The following STAU2 variants were observed in gnomAD, a reference collection of about 807,000 sequenced individuals.
The protein encoded by STAU2 is double-stranded RNA-binding protein Staufen homolog 2.
A neutral mutation model predicts 65.9 loss-of-function variants in STAU2; 20 were observed. The ratio of observed to expected loss-of-function variants is 0.30; its 90% CI spans 0.21 to 0.44. The LOEUF (loss-of-function observed/expected upper bound fraction) is 0.44. Among genes scored for constraint, STAU2 ranks in the 20% least tolerant of loss-of-function variants. The pLI is 1.00. For missense variants in STAU2, 558 were observed against 683.9 expected, an observed-to-expected ratio of 0.82 and a Z score of 2.05; for synonymous variants, 232 against 233.9, an observed-to-expected ratio of 0.99 and a Z score of 0.07.
chr8:73,488,222 AATG>A (rs1362710654), intron 13 of STAU2, among the ~76,000 whole-genome samples: 6 of 152,202 alleles, frequency 3.9e-5, no homozygotes, highest in African/African-American at 7.2e-5. Context: ...TTCCAAATAA[AATG>A]ATAAGACTAA....
chr8:73,688,818 G>A lies in STAU2; in HGVS notation c.115-5C>T, dbSNP rs769552266. 1.2e-6 allele frequency: 2 copies of A among 1,611,704 alleles called. No homozygotes were observed. The highest frequency in any genetic ancestry group is 1.7e-6 in the Non-Finnish European group (2 of 1,179,006). Reference sequence around the variant, plus strand: ...ACTCAGCTGCACTGAGAACATCTTAGAAAAACATAAATAGACAAAGAAAAC... The same window carrying A: ...ACTCAGCTGCACTGAGAACATCTTAAAAAAACATAAATAGACAAAGAAAAC... On this transcript the variant is annotated splice_polypyrimidine_tract_variant and splice_region_variant and intron_variant, in intron 4 of 14. Coordinates refer to ENST00000524300, the MANE Select transcript of STAU2 (RefSeq NM_001164380.2).
intron 6 of STAU2, among the ~76,000 whole-genome samples, chr8:73,640,319 A>T (rs1814860326): frequency 6.6e-6 from 1 of 152,132 alleles, no homozygotes; most frequent in African/African-American, 2.4e-5. Flanking sequence ...AAATAAGTGG[A>T]ACTGATTAGA....
At chr8:73,465,973 G>A (rs1274687671) in intron 13 of STAU2, among the ~76,000 whole-genome samples, 4 of 152,146 alleles carry the variant, frequency 2.6e-5, no homozygotes, top group Admixed American at 6.5e-5. Context: ...ACGCCACCAC[G>A]CCCAGCTAAT....
chr8:73,429,160 A>G (rs148607918), intron 13 of STAU2, among the ~76,000 whole-genome samples: 1 of 152,176 alleles, frequency 6.6e-6, no homozygotes, highest in Admixed American at 6.5e-5. Context: ...TTTTCAATTT[A>G]TAAGAGGCAG....
At chr8:73,545,127 A>G (rs1806812973) in intron 13 of STAU2, among the ~76,000 whole-genome samples, 1 of 152,194 alleles carries the variant, frequency 6.6e-6, no homozygotes, top group Admixed American at 6.5e-5. Flanking sequence ...TTCTTCATAT[A>G]CATGCTGAAA....
chr8:73,498,738 G>A (rs1821573626), intron 13 of STAU2, among the ~76,000 whole-genome samples: 1 of 151,788 alleles, frequency 6.6e-6, no homozygotes, highest in African/African-American at 2.4e-5. Context: ...AGGCAACCCA[G>A]CAAGTGAGTA....
intron 13 of STAU2, chr8:73,550,782 A>G: frequency 1.0e-6 from 1 of 987,532 alleles, no homozygotes; most frequent in Non-Finnish European, 1.2e-6. Context: ...TGAAGTTCAT[A>G]TTAAGAGTCC....
chr8:73,702,388 A>G (rs889177413), intron 4 of STAU2, among the ~76,000 whole-genome samples: 2 of 152,106 alleles, frequency 1.3e-5, no homozygotes, highest in Non-Finnish European at 2.9e-5. Context: ...GATGATTACA[A>G]CAAGGAATGA....
intron 13 of STAU2, among the ~76,000 whole-genome samples, chr8:73,490,200 C>T (rs2128914926): frequency 6.6e-6 from 1 of 152,100 alleles, no homozygotes; most frequent in East Asian, 1.9e-4. Context: ...GCAAGGGGAG[C>T]TTCGCATAAG....
chr8:73,434,862 ACT>A (rs1817578611), intron 13 of STAU2, among the ~76,000 whole-genome samples: 1 of 151,550 alleles, frequency 6.6e-6, no homozygotes, highest in African/African-American at 2.4e-5. Context: ...TCATTAAGCC[ACT>A]CTCTCAATCA....
At chr8:73,513,564 C>T (rs1822531398) in intron 13 of STAU2, among the ~76,000 whole-genome samples, 1 of 152,022 alleles carries the variant, frequency 6.6e-6, no homozygotes, top group Non-Finnish European at 1.5e-5. Context: ...GTAGCTTGAG[C>T]CCTCTTTGAT....
intron 11 of STAU2, among the ~76,000 whole-genome samples, chr8:73,591,398 A>G (rs1190778200): frequency 6.6e-6 from 1 of 152,142 alleles, no homozygotes; most frequent in South Asian, 2.1e-4. Flanking sequence ...GTAAGTGCAA[A>G]TGGTCTAATC....
chr8:73,478,484 GT>G (rs11341671), intron 13 of STAU2, among the ~76,000 whole-genome samples: 34,523 of 150,070 alleles, frequency 0.23, 4,588 homozygotes, highest in East Asian at 0.54. Flanking sequence ...TCTAAAAATA[GT>G]TTTTTTTTTC....
intron 3 of STAU2, among the ~76,000 whole-genome samples, chr8:73,713,184 G>C (rs898255821): frequency 1.3e-5 from 2 of 152,112 alleles, no homozygotes; most frequent in African/African-American, 4.8e-5. Flanking sequence ...TATAATAACA[G>C]TATTTGCATA....
At chr8:73,693,098 C>T (rs149066896) in intron 4 of STAU2, among the ~76,000 whole-genome samples, 347 of 152,174 alleles carry the variant, frequency 2.3e-3, no homozygotes, top group African/African-American at 8.0e-3. Flanking sequence ...GAGATGAACG[C>T]TGCAGTGAGC....
intron 13 of STAU2, among the ~76,000 whole-genome samples, chr8:73,479,739 G>A (rs1354575604): frequency 6.7e-6 from 1 of 148,466 alleles, no homozygotes; most frequent in African/African-American, 2.5e-5. Flanking sequence ...GTGTGTGTGT[G>A]TAGACCTAAA....
chr8:73,587,560 G>A (rs1184616155), intron 11 of STAU2, among the ~76,000 whole-genome samples: 2 of 152,196 alleles, frequency 1.3e-5, no homozygotes, highest in East Asian at 3.8e-4. Flanking sequence ...GAAAAAAACT[G>A]CATGATGTGC....
rs1014728500 is a variant in STAU2 at position 73,473,555 on chromosome 8, T to C, written c.1531-50853A>G. ...AGACCTCAGATATATGGATATGCGA[T>C]GAAGCCAGAGGGCTGTGTGAGGACT... is the stretch of plus-strand genomic sequence containing the variant. On this transcript the variant is annotated intron_variant, in intron 13 of 14. Transcript: ENST00000524300. Among the ~76,000 whole-genome samples the C allele has an allele frequency of 3.3e-5, 5 of 152,188 alleles. No homozygotes were observed. The South Asian group carries it at 8.3e-4, about 25-fold the overall frequency.
intron 13 of STAU2, among the ~76,000 whole-genome samples, chr8:73,462,724 T>A (rs1208321789): frequency 6.6e-6 from 1 of 152,114 alleles, no homozygotes; most frequent in Non-Finnish European, 1.5e-5. Context: ...CTAAAAAATA[T>A]GTAAAAGATT....
Sources: allele counts gnomAD v4.1 joint callset (sites outside exome capture counted in the v4.1 genomes callset), GRCh38; gene constraint gnomAD v4.1.1; transcripts MANE v1.5; gene names NCBI Gene and HGNC (gene_info 2026-07-23, HGNC 2026-07-21).